MYO3B: variants seen among roughly 807,000 people sequenced by gnomAD.
MYO3B encodes the protein myosin IIIB, also known as myosin-IIIb.
Under a neutral mutation model 174.6 loss-of-function variants are expected in MYO3B, and 156 were observed. That is an observed-to-expected ratio of 0.89 (90% CI 0.78 to 1.02). MYO3B has a LOEUF of 1.02. Among genes scored for constraint, MYO3B ranks in the 50% least tolerant of loss-of-function variants. MYO3B has a pLI of 0.00. For missense variants in MYO3B, 1,632 were observed against 1,639.4 expected (o/e 1.00, Z 0.08); for synonymous variants, 563 against 569.1 (o/e 0.99, Z 0.15).
At chr2:170,358,322 GA>G (rs2094137657) in intron 8 of MYO3B, among the ~76,000 whole-genome samples, 1 of 152,052 alleles carries the variant, frequency 6.6e-6, no homozygotes, top group African/African-American at 2.4e-5. Flanking sequence ...CATGCAAAAT[GA>G]AAGAAGCTAG....
intron 32 of MYO3B, among the ~76,000 whole-genome samples, chr2:170,565,222 T>C (rs1197210677): frequency 2.6e-5 from 4 of 152,230 alleles, no homozygotes; most frequent in Non-Finnish European, 4.4e-5. Context: ...TTCGTAGTAT[T>C]GTTTGGGGCA....
At chr2:170,562,396 T>C (rs1575168327) in intron 32 of MYO3B, among the ~76,000 whole-genome samples, 1 of 152,192 alleles carries the variant, frequency 6.6e-6, no homozygotes, top group African/African-American at 2.4e-5. Context: ...TTACATTGTC[T>C]CTAGTTTTTC....
chr2:170,539,917 C>T (rs1392469229), intron 30 of MYO3B, among the ~76,000 whole-genome samples: 2 of 152,126 alleles, frequency 1.3e-5, no homozygotes, highest in Non-Finnish European at 2.9e-5. Context: ...CCATCACACC[C>T]AGCAACAATT....
chr2:170,333,596 T>C (rs1035935817), intron 7 of MYO3B, among the ~76,000 whole-genome samples: 4 of 152,154 alleles, frequency 2.6e-5, no homozygotes, highest in African/African-American at 7.2e-5. Flanking sequence ...ATATATAGTC[T>C]AGCCTCAACA....
intron 30 of MYO3B, among the ~76,000 whole-genome samples, chr2:170,533,261 C>T (rs1286647070): frequency 6.6e-6 from 1 of 152,128 alleles, no homozygotes; most frequent in African/African-American, 2.4e-5. Flanking sequence ...AATGTCCGTC[C>T]CTCCTCTCAC....
Position 170,407,695 on chromosome 2 carries a change from G to A in MYO3B, c.2521-20G>A, listed in dbSNP as rs377388181. The A allele has an allele frequency of 3.3e-4, 533 of 1,607,250 alleles. 2 individuals are homozygous for A. In the African/African-American group the frequency reaches 5.2e-3, roughly 16 times the overall value. On this transcript the variant is annotated intron_variant, in intron 21 of 34. Coordinates refer to ENST00000408978, the MANE Select transcript of MYO3B (RefSeq NM_138995.5). ...GGACAGTTGACTTGGCTAATTTGCC[G>A]TTTGCTATTCATGTTACAGGTATTA...
At position 170,383,061 on chromosome 2, in the gene MYO3B, T is replaced by C; in HGVS notation, c.1069-12T>C. The stretch of plus-strand genomic sequence containing the variant: ...ATAATATTTACCTCAATACCATTTA[T>C]CCTCTTCTTAGGATACAATTATCCA... On this transcript the variant is annotated splice_polypyrimidine_tract_variant and intron_variant, in intron 10 of 34. Transcript: ENST00000408978. 2.0e-6 allele frequency: 3 copies of C among 1,527,482 alleles called. No individual in the cohort carries two copies. In the South Asian group the frequency reaches 3.4e-5, roughly 17 times the overall value. The allele number at this position is 1,527,482 out of a possible 1,614,324, so 94.6% of individuals were successfully genotyped here. A position where few individuals can be genotyped will look rare whatever the true frequency, so the allele number is the denominator to read the frequency against.
intron 22 of MYO3B, among the ~76,000 whole-genome samples, chr2:170,416,815 GTTGTTTTTTT>G (rs2094582559): frequency 1.5e-5 from 1 of 68,130 alleles, no homozygotes; most frequent in African/African-American, 4.6e-5. Flanking sequence ...CTTTTTTTCT[GTTGTTTTTTT>G]TTTTTTTTTT....
intron 22 of MYO3B, among the ~76,000 whole-genome samples, chr2:170,422,059 T>TGCCTG (rs1406397158): frequency 1.3e-5 from 2 of 152,196 alleles, no homozygotes; most frequent in Non-Finnish European, 2.9e-5. Context: ...AGATTTGATT[T>TGCCTG]AAAGTTCTGA....
intron 16 of MYO3B, among the ~76,000 whole-genome samples, chr2:170,396,695 C>T (rs957358173): frequency 2.6e-5 from 4 of 152,082 alleles, no homozygotes; most frequent in African/African-American, 9.7e-5. Context: ...GCCAGAGAAG[C>T]AACGGGGCAA....
chr2:170,498,901 A>G (rs1024357397), intron 26 of MYO3B, among the ~76,000 whole-genome samples, 198 bp downstream of exon 26: 1 of 152,168 alleles, frequency 6.6e-6, no homozygotes, highest in Non-Finnish European at 1.5e-5. Context: ...CCTGTTCTGT[A>G]TGTAATTTGA....
At chr2:170,472,673 C>CTATTTATTTATTTATT (rs61295158) in intron 25 of MYO3B, among the ~76,000 whole-genome samples, 22 of 142,364 alleles carry the variant, frequency 1.5e-4, no homozygotes, top group Admixed American at 3.5e-4. Flanking sequence ...CACTTTTTAT[C>CTATTTATTTATTTATT]TATTTATTTA....
intron 24 of MYO3B, among the ~76,000 whole-genome samples, chr2:170,466,229 G>A (rs550269309): frequency 2.7e-5 from 4 of 146,958 alleles, no homozygotes; most frequent in South Asian, 4.5e-4. Context: ...TAGTTCTGGC[G>A]GTGGAATTAC....
rs186057563 is a variant in MYO3B at position 170,214,198 on chromosome 2, G to A, written c.322-181G>A. ...ATCACCTCAAATAAAAAATACATAC[G>A]CAAAGAATTAGATTAGACTGGGTAA... On this transcript the variant is annotated intron_variant, in intron 3 of 34. Coordinates refer to ENST00000408978, the MANE Select transcript of MYO3B (RefSeq NM_138995.5). 2.7e-3 allele frequency among the ~76,000 whole-genome samples: 413 copies of A among 152,230 alleles called. 1 individual carries two copies. Among genetic ancestry groups the A allele is most frequent in the Non-Finnish European group, 4.6e-3 (311 of 68,010 alleles).
intron 7 of MYO3B, among the ~76,000 whole-genome samples, chr2:170,314,240 T>A (rs1192342173): frequency 6.6e-6 from 1 of 152,186 alleles, no homozygotes; most frequent in Non-Finnish European, 1.5e-5. Context: ...ATTTTGCCTA[T>A]TTTCCTGTAT....
chr2:170,191,253 G>A (rs774486540), intron 1 of MYO3B, among the ~76,000 whole-genome samples: 1 of 151,902 alleles, frequency 6.6e-6, no homozygotes, highest in African/African-American at 2.4e-5. Context: ...TCAAGCAGAA[G>A]GAAAGAGTCT....
chr2:170,228,442 G>T (rs1014554695), intron 6 of MYO3B, among the ~76,000 whole-genome samples: 2 of 152,212 alleles, frequency 1.3e-5, no homozygotes, highest in Admixed American at 6.5e-5. Context: ...GGGTCTCCAA[G>T]CAAATGTGCT....
intron 22 of MYO3B, among the ~76,000 whole-genome samples, chr2:170,424,223 T>C (rs1314943959): frequency 6.6e-6 from 1 of 152,154 alleles, no homozygotes; most frequent in Admixed American, 6.5e-5. Flanking sequence ...TCTTCCTGAG[T>C]TCCTTTTCCA....
chr2:170,485,080 G>T (rs574973647), intron 25 of MYO3B, among the ~76,000 whole-genome samples: 1 of 151,902 alleles, frequency 6.6e-6, no homozygotes, highest in African/African-American at 2.4e-5. Context: ...TGGGAAAAGC[G>T]TTTATTTCTT....
Sources: allele counts gnomAD v4.1 joint callset (sites outside exome capture counted in the v4.1 genomes callset), GRCh38; gene constraint gnomAD v4.1.1; transcripts MANE v1.5; gene names NCBI Gene and HGNC (gene_info 2026-07-23, HGNC 2026-07-21).